CLDN7: variants seen among roughly 807,000 people sequenced by gnomAD.
CLDN7 encodes the protein claudin 7.
CLDN7 carries 15 observed loss-of-function variants against 20.3 expected under a neutral mutation model. The ratio of observed to expected loss-of-function variants is 0.74; its 90% CI spans 0.49 to 1.14. CLDN7 has a LOEUF of 1.14. Among genes scored for constraint, CLDN7 ranks in the 50% most tolerant of loss-of-function variants. The pLI is 0.00. For missense variants in CLDN7, 261 were observed against 274.2 expected, an observed-to-expected ratio of 0.95 and a Z score of 0.34; for synonymous variants, 117 against 106.1, an observed-to-expected ratio of 1.10 and a Z score of -0.63.
At chr17:7,261,589 G>C (rs548019986) in intron 1 of CLDN7, among the ~76,000 whole-genome samples, 13 of 152,296 alleles carry the variant, frequency 8.5e-5, no homozygotes, top group Admixed American at 7.2e-4. Context: ...CGGGGACGAG[G>C]CTGGGTTGGG....
At position 7,259,910 on chromosome 17, in the gene CLDN7, T is replaced by C; in HGVS notation, c.*464A>G. ...GAGAGTAGAACACCCCCGTACCTAATAAAAATCTTTATTTTTTTATTAAAA... is the reference window on the plus strand; with the variant it reads ...GAGAGTAGAACACCCCCGTACCTAACAAAAATCTTTATTTTTTTATTAAAA... On this transcript the variant is annotated 3_prime_UTR_variant, in exon 4 of 4. Coordinates refer to ENST00000360325, the MANE Select transcript of CLDN7 (RefSeq NM_001307.6). 1.9e-6 allele frequency: 1 copy of C among 513,768 alleles called. No homozygotes were observed. Among genetic ancestry groups the C allele is most frequent in the South Asian group, 5.3e-5 (1 of 18,782 alleles). The allele number at this position is 513,768 out of a possible 1,614,324, so 31.8% of individuals were successfully genotyped here. A position where few individuals can be genotyped will look rare whatever the true frequency, so the allele number is the denominator to read the frequency against.
In CLDN7 at chr17:7,261,866, C is replaced by T; in HGVS notation, c.178G>A (p.Gly60Arg). Residue 60 changes from glycine (G) to arginine (R), a missense_variant, in exon 1 of 4, where the codon GGG (glycine) becomes AGG (arginine). Transcript: ENST00000360325. Reference protein sequence around the residue: ...LWMDCVTQSTGMMSCKMYDSV... With the variant: ...LWMDCVTQSTRMMSCKMYDSV... ...TCGTACATTTTGCAGCTCATCATCC[C>T]CGTGCTCTGCGTGACGCAGTCCATC... is the stretch of plus-strand genomic sequence containing the variant. The T allele has an allele frequency of 6.2e-7, 1 of 1,614,166 alleles. No homozygotes were observed. Among genetic ancestry groups the T allele is most frequent in the Non-Finnish European group, 8.5e-7 (1 of 1,180,048 alleles).
Position 7,260,280 on chromosome 17 carries a change from C to G in CLDN7, c.*94G>C. 4 of 1,388,876 alleles carry G rather than the reference C, an allele frequency of 2.9e-6. No individual in the cohort carries two copies. The highest frequency in any genetic ancestry group is 3.9e-6 in the Non-Finnish European group (4 of 1,025,184). 86.0% of individuals were successfully genotyped at this position (1,388,876 alleles called of 1,614,324 possible). A position where few individuals can be genotyped will look rare whatever the true frequency, so the allele number is the denominator to read the frequency against. ...ACAGAGTGACCAGGAGGCCTTTGTC[C>G]GGCACCCTGCCCACAGGCTGAGCTC... is the stretch of plus-strand genomic sequence containing the variant. On this transcript the variant is annotated 3_prime_UTR_variant, in exon 4 of 4. Transcript: ENST00000360325.
Position 7,259,964 on chromosome 17 carries a change from A to G in CLDN7, c.*410T>C, listed in dbSNP as rs2072177070. On this transcript the variant is annotated 3_prime_UTR_variant, in exon 4 of 4. Coordinates refer to ENST00000360325, the MANE Select transcript of CLDN7 (RefSeq NM_001307.6). Reference sequence around the variant, plus strand: ...AAGTACTTTGGTAGCTATTTAAATAAGAGGGGGGTGGGAATGAATGTCGAG... The same window carrying G: ...AAGTACTTTGGTAGCTATTTAAATAGGAGGGGGGTGGGAATGAATGTCGAG... The G allele has an allele frequency of 2.7e-6, 1 of 374,902 alleles. No homozygotes were observed. Among genetic ancestry groups the G allele is most frequent in the Admixed American group, 4.3e-5 (1 of 23,344 alleles). 23.2% of individuals were successfully genotyped at this position (374,902 alleles called of 1,614,324 possible). A position where few individuals can be genotyped will look rare whatever the true frequency, so the allele number is the denominator to read the frequency against.
intron 1 of CLDN7, among the ~76,000 whole-genome samples, chr17:7,261,475 C>T (rs934698656): frequency 2.0e-5 from 3 of 152,134 alleles, no homozygotes; most frequent in African/African-American, 7.2e-5. Context: ...CCCCGCGCCC[C>T]GGGGCCGTTT....
In CLDN7 at chr17:7,262,160, A is replaced by G; in HGVS notation, c.-117T>C. ...TGAGGTGGAGTTTTCCGGTCACCCA[A>G]AGAGACAAAAAGGGTTTGGGCCAGG... On this transcript the variant is annotated 5_prime_UTR_variant, in exon 1 of 4. Transcript: ENST00000360325. The surrounding 1 kb of genome is among the most constrained non-coding windows in gnomAD (Gnocchi z 6.6). The G allele has an allele frequency of 2.0e-6, 3 of 1,463,902 alleles. No individual in the cohort carries two copies. The highest frequency in any genetic ancestry group is 2.7e-6 in the Non-Finnish European group (3 of 1,112,502). The allele number at this position is 1,463,902 out of a possible 1,614,324, so 90.7% of individuals were successfully genotyped here. A position where few individuals can be genotyped will look rare whatever the true frequency, so the allele number is the denominator to read the frequency against.
Position 7,262,276 on chromosome 17 carries a change from G to A in CLDN7, c.-233C>T. ...GCACAGGGAGTAGGATACGCCGGGA[G>A]GGTGGTTCCAGACAAAATTGGTGGT... On this transcript the variant is annotated 5_prime_UTR_variant, in exon 1 of 4. Coordinates refer to ENST00000360325, the MANE Select transcript of CLDN7 (RefSeq NM_001307.6). This position sits in a 1 kb window ranked among gnomAD's most constrained non-coding sequence, Gnocchi z 6.6. 1 of 1,397,560 alleles carries A rather than the reference G, an allele frequency of 7.2e-7. No individual in the cohort carries two copies. The highest frequency in any genetic ancestry group is 9.3e-7 in the Non-Finnish European group (1 of 1,077,158). The allele number at this position is 1,397,560 out of a possible 1,614,324, so 86.6% of individuals were successfully genotyped here. A position where few individuals can be genotyped will look rare whatever the true frequency, so the allele number is the denominator to read the frequency against.
chr17:7,261,473 C>A (rs2072217759), intron 1 of CLDN7, among the ~76,000 whole-genome samples: 1 of 152,160 alleles, frequency 6.6e-6, no homozygotes, highest in African/African-American at 2.4e-5. Context: ...TGCCCCGCGC[C>A]CCGGGGCCGT....
chr17:7,261,924 G>A lies in CLDN7; in HGVS notation c.120C>T (p.Ile40=). The A allele has an allele frequency of 6.2e-7, 1 of 1,614,222 alleles. No individual in the cohort carries two copies. Among genetic ancestry groups the A allele is most frequent in the Non-Finnish European group, 8.5e-7 (1 of 1,180,040 alleles). ...WQMSSYAGDN[I]ITAQAMYKGL... ...CCTTGTACATGGCCTGGGCCGTGAT[G>A]ATGTTGTCACCCGCATAGGAGCTCA... Residue 40 remains isoleucine (I), a synonymous_variant, in exon 1 of 4, where the codon ATC becomes ATT. Coordinates refer to ENST00000360325, the MANE Select transcript of CLDN7 (RefSeq NM_001307.6).
Position 7,260,239 on chromosome 17 carries a change from T to C in CLDN7, c.*135A>G. Reference sequence around the variant, plus strand: ...CCCCACCCCCAACCCAAGAGGACTATACATGGAGTGCAGGGACAGAGTGAC... The same window carrying C: ...CCCCACCCCCAACCCAAGAGGACTACACATGGAGTGCAGGGACAGAGTGAC... On this transcript the variant is annotated 3_prime_UTR_variant, in exon 4 of 4. Transcript: ENST00000360325. The C allele has an allele frequency of 1.5e-6, 1 of 661,000 alleles. No homozygotes were observed. Among genetic ancestry groups the C allele is most frequent in the Non-Finnish European group, 2.4e-6 (1 of 412,404 alleles). 40.9% of individuals were successfully genotyped at this position (661,000 alleles called of 1,614,324 possible). A position where few individuals can be genotyped will look rare whatever the true frequency, so the allele number is the denominator to read the frequency against.
chr17:7,261,769 C>T (rs2072229019), intron 1 of CLDN7, 52 bp downstream of exon 1: 13 of 1,587,780 alleles, frequency 8.2e-6, no homozygotes, highest in Non-Finnish European at 1.0e-5. Flanking sequence ...ACGCGCGCCA[C>T]CCCGCCACCT....
chr17:7,262,033 G>A lies in CLDN7; in HGVS notation c.11C>T (p.Ser4Leu), dbSNP rs1201779323. 3 of 1,611,244 alleles carry A rather than the reference G, an allele frequency of 1.9e-6. No individual in the cohort carries two copies. The South Asian group carries it at 3.3e-5, about 18-fold the overall frequency. MAN[S>L]GLQLLGFSMA... The stretch of plus-strand genomic sequence containing the variant: ...GGAGAAGCCCAGCAACTGCAGGCCC[G>A]AATTGGCCATTTCCGCCCTCAGAAA... The change falls in exon 1 of 4, where the codon TCG becomes TTG. Residue 4 changes from serine to leucine, a missense_variant. Physicochemically the swap from Ser to Leu is moderately radical, Grantham distance 145 (BLOSUM62 -2). Transcript: ENST00000360325. The surrounding 1 kb of genome is among the most constrained non-coding windows in gnomAD (Gnocchi z 6.6).
In CLDN7 at chr17:7,260,924, C is replaced by T; in HGVS notation, c.285G>A (p.Met95Ile). 2 of 1,614,160 alleles carry T rather than the reference C, an allele frequency of 1.2e-6. No homozygotes were observed. The highest frequency in any genetic ancestry group is 1.7e-6 in the Non-Finnish European group (2 of 1,180,040). The change falls in exon 2 of 4, where the codon ATG becomes ATA. Residue 95 changes from methionine to isoleucine, a missense_variant. By Grantham distance (10) the Met-to-Ile change is conservative. Around this residue, in one of 2 missense-constraint regions of CLDN7, gnomAD observed 215 missense variants for 199.6 expected, o/e 1.08. Coordinates refer to ENST00000360325, the MANE Select transcript of CLDN7 (RefSeq NM_001307.6). ...VVSLVLGFLA[M>I]FVATMGMKCT... is the part of the protein sequence containing the mutation. ...ACTTCATGCCCATCGTGGCCACAAA[C>T]ATGGCCAGGAAGCCCAGCACCAGGG... is the stretch of plus-strand genomic sequence containing the variant.
chr17:7,261,170 C>T, intron 1 of CLDN7, 185 bp from the exon 2 acceptor site: 2 of 765,108 alleles, frequency 2.6e-6, no homozygotes, highest in Non-Finnish European at 4.1e-6. Flanking sequence ...CTCCCGACAG[C>T]GCGGCCTTCC....
Position 7,260,717 on chromosome 17 carries a change from G to C in CLDN7, c.398C>G (p.Ala133Gly). 6.2e-7 allele frequency: 1 copy of C among 1,614,210 alleles called. No homozygotes were observed. The highest frequency in any genetic ancestry group is 2.2e-5 in the East Asian group (1 of 44,878). The change falls in exon 3 of 4, where the codon GCC becomes GGC. Residue 133 changes from alanine to glycine, a missense_variant. Around this residue, in one of 2 missense-constraint regions of CLDN7, gnomAD observed 215 missense variants for 199.6 expected, o/e 1.08. Coordinates refer to ENST00000360325, the MANE Select transcript of CLDN7 (RefSeq NM_001307.6). ...GCCATACCAGGAGCAAGCTACCAAG[G>C]CGGCAAGACCTGGAGACAGAATGAG... Reference protein sequence around the residue: ...GIIFIVAGLAALVACSWYGHQ... With the variant: ...GIIFIVAGLAGLVACSWYGHQ...
rs1444953521 is a variant in CLDN7, at chr17:7,260,145, A to G, written c.*229T>C. On this transcript the variant is annotated 3_prime_UTR_variant, in exon 4 of 4. Transcript: ENST00000360325. ...TGAAGGGAAAAAAGCCTGCTTCCCA[A>G]TACTTATTTTTTATTACTGTACAAA... 1.4e-5 allele frequency: 6 copies of G among 436,746 alleles called. No homozygotes were observed. Among genetic ancestry groups the G allele is most frequent in the Non-Finnish European group, 2.4e-5 (6 of 247,924 alleles). The allele number at this position is 436,746 out of a possible 1,614,324, so 27.1% of individuals were successfully genotyped here. A position where few individuals can be genotyped will look rare whatever the true frequency, so the allele number is the denominator to read the frequency against.
intron 3 of CLDN7, 35 bp downstream of exon 3, chr17:7,260,606 AC>A: frequency 1.2e-6 from 2 of 1,613,708 alleles, no homozygotes; most frequent in Non-Finnish European, 1.7e-6. Context: ...AGGACCCCAG[AC>A]CTGTCCCCTT....
Position 7,260,699 on chromosome 17 carries a change from C to G in CLDN7, c.416G>C (p.Trp139Ser), listed in dbSNP as rs986821161. 1.2e-6 allele frequency: 2 copies of G among 1,614,084 alleles called. No individual in the cohort carries two copies. Among genetic ancestry groups the G allele is most frequent in the African/African-American group, 2.7e-5 (2 of 74,920 alleles). Residue 139 changes from tryptophan (W) to serine (S), a missense_variant, in exon 3 of 4, where the codon TGG (tryptophan) becomes TCG (serine). By Grantham distance (177) the Trp-to-Ser change is radical. Transcript: ENST00000360325. ...AGLAALVACS[W>S]YGHQIVTDFY... is the part of the protein sequence containing the mutation. The stretch of plus-strand genomic sequence containing the variant: ...GTCTGTGACAATCTGATGGCCATAC[C>G]AGGAGCAAGCTACCAAGGCGGCAAG...
chr17:7,261,706 C>T, intron 1 of CLDN7, 115 bp downstream of exon 1: 1 of 1,089,612 alleles, frequency 9.2e-7, no homozygotes, highest in Non-Finnish European at 1.3e-6. Context: ...ACTTCCTCGC[C>T]CTGCAGCTCC....
Sources: gnomAD v4.1 joint callset for allele counts (sites outside exome capture counted in the v4.1 genomes callset) on GRCh38, gnomAD v4.1.1 for gene constraint, gnomAD v4.1.1 regional missense constraint, Gnocchi (gnomAD v3.1) non-coding constraint, MANE v1.5 for transcripts, NCBI Gene and HGNC (gene_info 2026-07-23, HGNC 2026-07-21) for gene names.